The following IGF2BP2 variants were observed in gnomAD, a reference collection of about 807,000 sequenced individuals.
IGF2BP2 encodes the protein insulin-like growth factor 2 mRNA-binding protein 2.
A neutral mutation model predicts 75.8 loss-of-function variants in IGF2BP2; 17 were observed. That is an observed-to-expected ratio of 0.22 (90% CI 0.15 to 0.34). The LOEUF (loss-of-function observed/expected upper bound fraction) is 0.34. Ranked by LOEUF, IGF2BP2 falls within the 10% of genes least tolerant of loss-of-function variation. IGF2BP2 has a pLI of 1.00. For synonymous variants in IGF2BP2, 288 were observed against 295.6 expected (o/e 0.97, Z 0.26); for missense variants, 516 against 772.4 (o/e 0.67, Z 3.93).
intron 2 of IGF2BP2, among the ~76,000 whole-genome samples, chr3:185,718,403 C>A (rs1295670982): frequency 6.6e-6 from 1 of 152,106 alleles, no homozygotes; most frequent in Non-Finnish European, 1.5e-5. Flanking sequence ...GAAAGCAAGT[C>A]AGGCTCGGGG....
chr3:185,737,908 TA>T (rs1209824720), intron 2 of IGF2BP2, among the ~76,000 whole-genome samples: 1 of 152,196 alleles, frequency 6.6e-6, no homozygotes, highest in Non-Finnish European at 1.5e-5. Context: ...ATTATTTCTT[TA>T]GAGTAGATTC....
chr3:185,795,055 G>A (rs972750674), intron 2 of IGF2BP2, among the ~76,000 whole-genome samples: 11 of 151,786 alleles, frequency 7.2e-5, no homozygotes, highest in Non-Finnish European at 1.6e-4. Flanking sequence ...CCACCACCTC[G>A]CCCGGCTACT....
Position 185,665,501 on chromosome 3 carries a change from A to AG in IGF2BP2, c.1200+7039dup, listed in dbSNP as rs1312578410. ...GAGAAGAAGGAGGAGAAGGAGGAGG[A>AG]GAAGGAGGAGGAGGAGAAGGAGGAG... On this transcript the variant is annotated intron_variant, in intron 10 of 15. Coordinates refer to ENST00000382199, the MANE Select transcript of IGF2BP2 (RefSeq NM_006548.6). 1.0e-3 allele frequency among the ~76,000 whole-genome samples: 31 copies of AG among 31,068 alleles called. 2 individuals carry two copies. Among genetic ancestry groups the AG allele is most frequent in the African/African-American group, 2.2e-3 (8 of 3,648 alleles). The allele number at this position is 31,068 out of a possible 152,430, so 20.4% of individuals were successfully genotyped here.
At chr3:185,680,999 G>A (rs1238859703) in intron 7 of IGF2BP2, among the ~76,000 whole-genome samples, 2 of 152,164 alleles carry the variant, frequency 1.3e-5, no homozygotes, top group Non-Finnish European at 2.9e-5. Context: ...ATGAAAGACT[G>A]AATGCAAGGC....
At chr3:185,778,190 G>T (rs377524146) in intron 2 of IGF2BP2, among the ~76,000 whole-genome samples, 8 of 152,072 alleles carry the variant, frequency 5.3e-5, no homozygotes, top group Non-Finnish European at 8.8e-5. Context: ...GCTGGAGCAC[G>T]TCTTGGCAGC....
intron 10 of IGF2BP2, among the ~76,000 whole-genome samples, chr3:185,671,862 G>C (rs762267428): frequency 6.6e-6 from 1 of 152,154 alleles, no homozygotes; most frequent in Non-Finnish European, 1.5e-5. Context: ...AGCAGTCTGC[G>C]TAGAGAAAAA....
At chr3:185,722,204 G>T in intron 2 of IGF2BP2, 1 of 455,368 alleles carries the variant, frequency 2.2e-6, no homozygotes, top group Non-Finnish European at 4.4e-6. Context: ...AAAGTGCTGG[G>T]ACTACAGGCA....
chr3:185,645,389 G>A lies in IGF2BP2; in HGVS notation c.*142C>T. On this transcript the variant is annotated 3_prime_UTR_variant, in exon 16 of 16. Coordinates refer to ENST00000382199, the MANE Select transcript of IGF2BP2 (RefSeq NM_006548.6). This position sits in a 1 kb window ranked among gnomAD's most constrained non-coding sequence, Gnocchi z 4.9. ...CTGGGGTTCTCAGGGCCTCGGCAGAGTCCCTGGCCGCCTCCGCAGACTTCT... is the reference window on the plus strand; with the variant it reads ...CTGGGGTTCTCAGGGCCTCGGCAGAATCCCTGGCCGCCTCCGCAGACTTCT... 1.5e-6 allele frequency: 1 copy of A among 646,704 alleles called. No individual in the cohort carries two copies. The highest frequency in any genetic ancestry group is 2.8e-6 in the Non-Finnish European group (1 of 362,564). The allele number at this position is 646,704 out of a possible 1,614,324, so 40.1% of individuals were successfully genotyped here. A position where few individuals can be genotyped will look rare whatever the true frequency, so the allele number is the denominator to read the frequency against.
At chr3:185,659,853 G>A (rs1439770632) in intron 10 of IGF2BP2, among the ~76,000 whole-genome samples, 1 of 151,398 alleles carries the variant, frequency 6.6e-6, no homozygotes, top group African/African-American at 2.4e-5. Context: ...GGAGTGCAGT[G>A]GCGCAATCTC....
intron 2 of IGF2BP2, among the ~76,000 whole-genome samples, chr3:185,768,696 T>C (rs543695380): frequency 6.6e-6 from 1 of 152,324 alleles, no homozygotes; most frequent in South Asian, 2.1e-4. Flanking sequence ...TATCATGCTT[T>C]CACTTTGAAG....
At chr3:185,700,009 G>A (rs948330646) in intron 2 of IGF2BP2, among the ~76,000 whole-genome samples, 3 of 152,140 alleles carry the variant, frequency 2.0e-5, no homozygotes, top group Non-Finnish European at 4.4e-5. Flanking sequence ...TAGAGACGTT[G>A]TTTTAATAGA....
chr3:185,740,044 T>G (rs1258322422), intron 2 of IGF2BP2, among the ~76,000 whole-genome samples: 3 of 151,804 alleles, frequency 2.0e-5, no homozygotes, highest in African/African-American at 7.3e-5. Flanking sequence ...GACGGGGTTG[T>G]GCCATGTTGG....
At chr3:185,767,215 G>A (rs1242704195) in intron 2 of IGF2BP2, among the ~76,000 whole-genome samples, 1 of 152,176 alleles carries the variant, frequency 6.6e-6, no homozygotes, top group Admixed American at 6.5e-5. Context: ...TCTTCAGCCT[G>A]TCCGACAATT....
intron 3 of IGF2BP2, among the ~76,000 whole-genome samples, chr3:185,696,891 A>G (rs1327608901): frequency 1.3e-5 from 2 of 152,244 alleles, no homozygotes; most frequent in African/African-American, 4.8e-5. Context: ...CTAAGGTTAC[A>G]CAGCAGAATT....
intron 2 of IGF2BP2, among the ~76,000 whole-genome samples, chr3:185,766,363 G>GT (rs1274439497): frequency 2.6e-5 from 4 of 152,002 alleles, no homozygotes; most frequent in African/African-American, 9.7e-5. Flanking sequence ...ACAAACTACG[G>GT]TTGATAGGTC....
In IGF2BP2 at chr3:185,705,565, GAA is replaced by G. The variant is rs11350184; in HGVS notation, c.240-7220_240-7219del. ...GAAGTTCACTGCTTGAATGAAACAG[GAA>G]AAAAAAAAAATCACTTAATATGATG... On this transcript the variant is annotated intron_variant, in intron 2 of 15. Coordinates refer to ENST00000382199, the MANE Select transcript of IGF2BP2 (RefSeq NM_006548.6). Among the ~76,000 whole-genome samples the G allele has an allele frequency of 3.7e-3, 547 of 148,170 alleles. 1 individual carries two copies. The highest frequency in any genetic ancestry group is 5.3e-3 in the Non-Finnish European group (352 of 66,752).
At chr3:185,653,652 AGGATT>A (rs1560229678) in intron 12 of IGF2BP2, among the ~76,000 whole-genome samples, 4 of 152,086 alleles carry the variant, frequency 2.6e-5, no homozygotes, top group African/African-American at 9.7e-5. Context: ...TCAGGCATTT[AGGATT>A]GTAAGGATGA....
chr3:185,770,394 T>A (rs1473625266), intron 2 of IGF2BP2, among the ~76,000 whole-genome samples: 2 of 152,196 alleles, frequency 1.3e-5, no homozygotes, highest in African/African-American at 4.8e-5. Flanking sequence ...AGATTCACCA[T>A]GTCAGAGTGA....
chr3:185,651,409 T>A (rs1714579670), intron 13 of IGF2BP2, among the ~76,000 whole-genome samples: 1 of 151,914 alleles, frequency 6.6e-6, no homozygotes, highest in Non-Finnish European at 1.5e-5. Flanking sequence ...GGTCTTGCTC[T>A]ATTGCCCAGC....
Sources: allele counts gnomAD v4.1 joint callset (sites outside exome capture counted in the v4.1 genomes callset), GRCh38; gene constraint gnomAD v4.1.1; non-coding constraint Gnocchi (gnomAD v3.1); transcripts MANE v1.5; gene names NCBI Gene and HGNC (gene_info 2026-07-23, HGNC 2026-07-21).